The following ATG10 variants were observed in gnomAD, a reference collection of about 807,000 sequenced individuals.
The protein encoded by ATG10 is autophagy related 10.
In ATG10, 30 loss-of-function variants were observed where a neutral mutation model predicts 32.1. The ratio of observed to expected loss-of-function variants is 0.94; its 90% CI spans 0.70 to 1.27. The LOEUF is 1.27. Among genes scored for constraint, ATG10 ranks in the 50% most tolerant of loss-of-function variants. ATG10 has a pLI of 0.00. For missense variants in ATG10, 233 were observed against 262.3 expected, an observed-to-expected ratio of 0.89 and a Z score of 0.77; for synonymous variants, 87 against 91.5, an observed-to-expected ratio of 0.95 and a Z score of 0.28.
intron 5 of ATG10, among the ~76,000 whole-genome samples, chr5:82,179,579 G>A (rs1038799381): frequency 2.6e-5 from 4 of 152,126 alleles, no homozygotes; most frequent in Non-Finnish European, 5.9e-5. Flanking sequence ...AAATAGATCT[G>A]TCAATCATGT....
chr5:82,230,065 C>G (rs756440177), intron 5 of ATG10, among the ~76,000 whole-genome samples: 1 of 152,240 alleles, frequency 6.6e-6, no homozygotes, highest in African/African-American at 2.4e-5. Flanking sequence ...ATCCCGAGCC[C>G]TAACCCTTTG....
intron 3 of ATG10, among the ~76,000 whole-genome samples, chr5:82,089,401 A>G (rs561616622): frequency 6.7e-4 from 102 of 152,312 alleles, no homozygotes; most frequent in African/African-American, 2.3e-3. Context: ...GCAATGGGAC[A>G]GAATAGAGAA....
Position 82,209,228 on chromosome 5 carries a change from T to G in ATG10, c.453+30641T>G, listed in dbSNP as rs79729913. Among the ~76,000 whole-genome samples, 89 of 152,332 alleles carry G rather than the reference T, an allele frequency of 5.8e-4. 1 individual carries two copies. In the East Asian group the frequency reaches 0.017, roughly 28 times the overall value. On this transcript the variant is annotated intron_variant, in intron 5 of 7. Coordinates refer to ENST00000282185, the MANE Select transcript of ATG10 (RefSeq NM_031482.5). Reference sequence around the variant, plus strand: ...GAAGGTCGTCTTTTTTAAAAAAATTTTTCCTGGCTACTTTTAATATTAACT... The same window carrying G: ...GAAGGTCGTCTTTTTTAAAAAAATTGTTCCTGGCTACTTTTAATATTAACT...
intron 3 of ATG10, among the ~76,000 whole-genome samples, chr5:82,095,045 G>A (rs1765008164): frequency 6.6e-6 from 1 of 152,022 alleles, no homozygotes; most frequent in Non-Finnish European, 1.5e-5. Context: ...TTAATAGTGA[G>A]CATGTATAGC....
At chr5:82,110,587 A>G (rs1440718564) in intron 3 of ATG10, among the ~76,000 whole-genome samples, 1 of 152,160 alleles carries the variant, frequency 6.6e-6, no homozygotes, top group Non-Finnish European at 1.5e-5. Flanking sequence ...TGTTGGCTGC[A>G]TAAATGTCTT....
At chr5:82,102,492 C>T (rs1000576586) in intron 3 of ATG10, among the ~76,000 whole-genome samples, 1 of 152,096 alleles carries the variant, frequency 6.6e-6, no homozygotes, top group African/African-American at 2.4e-5. Flanking sequence ...TGAATGTCTA[C>T]TCCAATAGAA....
At chr5:82,063,214 G>T (rs1467091995) in intron 3 of ATG10, among the ~76,000 whole-genome samples, 1 of 152,084 alleles carries the variant, frequency 6.6e-6, no homozygotes, top group Non-Finnish European at 1.5e-5. Flanking sequence ...AGCTACTCTG[G>T]AGGCTGGGAC....
intron 2 of ATG10, among the ~76,000 whole-genome samples, chr5:81,998,082 G>A (rs1761721495): frequency 6.6e-6 from 1 of 152,180 alleles, no homozygotes; most frequent in South Asian, 2.1e-4. Flanking sequence ...CCAACACATA[G>A]TAATCAGATT....
intron 4 of ATG10, among the ~76,000 whole-genome samples, chr5:82,171,032 G>T (rs1203973002): frequency 1.3e-5 from 2 of 152,174 alleles, no homozygotes; most frequent in Non-Finnish European, 2.9e-5. Context: ...CAGATTTCTG[G>T]ATCAATAGTG....
At chr5:82,206,282 T>G (rs1745291999) in intron 5 of ATG10, among the ~76,000 whole-genome samples, 1 of 152,138 alleles carries the variant, frequency 6.6e-6, no homozygotes, top group Non-Finnish European at 1.5e-5. Context: ...GCAAACATAG[T>G]AAGCAACAGA....
At chr5:82,129,098 T>C (rs1472523188) in intron 3 of ATG10, among the ~76,000 whole-genome samples, 1 of 151,720 alleles carries the variant, frequency 6.6e-6, no homozygotes, top group Admixed American at 6.6e-5. Context: ...CTTAAGTTGA[T>C]CTTCAATCTC....
At chr5:82,039,642 TGATTC>T (rs1320816295) in intron 2 of ATG10, among the ~76,000 whole-genome samples, 2 of 152,200 alleles carry the variant, frequency 1.3e-5, no homozygotes, top group Non-Finnish European at 2.9e-5. Flanking sequence ...ATTAGTGTCT[TGATTC>T]TATAGAAACT....
At chr5:82,053,862 A>G (rs549564332) in intron 2 of ATG10, among the ~76,000 whole-genome samples, 17 of 152,320 alleles carry the variant, frequency 1.1e-4, no homozygotes, top group African/African-American at 3.8e-4. Context: ...AGACTGGCCA[A>G]GTTGCCAGAA....
chr5:82,006,578 TAATG>T (rs542349159), intron 2 of ATG10, among the ~76,000 whole-genome samples: 11 of 152,196 alleles, frequency 7.2e-5, no homozygotes, highest in Middle Eastern at 3.2e-3. Context: ...ATATTAAAAT[TAATG>T]AATGAATTCA....
At chr5:82,033,969 G>C (rs949636746) in intron 2 of ATG10, among the ~76,000 whole-genome samples, 1 of 145,946 alleles carries the variant, frequency 6.9e-6, no homozygotes, top group African/African-American at 2.5e-5. Context: ...TACATATATA[G>C]TATATATACA....
chr5:82,023,651 T>C (rs2149708451), intron 2 of ATG10, among the ~76,000 whole-genome samples: 1 of 152,366 alleles, frequency 6.6e-6, no homozygotes, highest in Non-Finnish European at 1.5e-5. Flanking sequence ...GTTGCACATA[T>C]GCTTTCACTG....
rs932535056 is a variant in ATG10 at position 82,110,691 on chromosome 5, T to C, written c.216+52089T>C. On this transcript the variant is annotated intron_variant, in intron 3 of 7. Transcript: ENST00000282185. ...ATTTGTTTGAGTTCATTGTAGATTC[T>C]GGATATTAGCCCTTTGTCAGATGAG... 3.3e-5 allele frequency among the ~76,000 whole-genome samples: 5 copies of C among 152,292 alleles called. No homozygotes were observed. In the South Asian group the frequency reaches 8.3e-4, roughly 25 times the overall value.
intron 3 of ATG10, among the ~76,000 whole-genome samples, chr5:82,102,348 T>A (rs1454635132): frequency 6.6e-6 from 1 of 152,176 alleles, no homozygotes; most frequent in Non-Finnish European, 1.5e-5. Context: ...TATGACTTTT[T>A]AAATTTTAGG....
At chr5:82,234,574 C>G (rs1476965567) in intron 5 of ATG10, among the ~76,000 whole-genome samples, 1 of 152,216 alleles carries the variant, frequency 6.6e-6, no homozygotes, top group Non-Finnish European at 1.5e-5. Flanking sequence ...GAAGGTCACG[C>G]TAGCTCTGAA....
Sources: gnomAD v4.1 joint callset for allele counts (sites outside exome capture counted in the v4.1 genomes callset) on GRCh38, gnomAD v4.1.1 for gene constraint, MANE v1.5 for transcripts, NCBI Gene and HGNC (gene_info 2026-07-23, HGNC 2026-07-21) for gene names.